Variants in TDRD7 observed in about 807,000 individuals in gnomAD.
TDRD7 encodes tudor domain-containing protein 7.
In TDRD7, 47 loss-of-function variants were observed where a neutral mutation model predicts 109.8. The ratio of observed to expected loss-of-function variants is 0.43; its 90% CI spans 0.34 to 0.55. The LOEUF (loss-of-function observed/expected upper bound fraction) is 0.55. TDRD7 is among the 20% of genes least tolerant of loss of function. The pLI, the probability that TDRD7 is intolerant of heterozygous loss-of-function variation, is 0.03. For missense variants in TDRD7, 1,164 were observed against 1,319.2 expected (o/e 0.88, Z 1.82); for synonymous variants, 424 against 457.3 (o/e 0.93, Z 0.93).
chr9:97,494,777 C>T (rs1372021329), intron 16 of TDRD7, among the ~76,000 whole-genome samples: 1 of 149,522 alleles, frequency 6.7e-6, no homozygotes, highest in African/African-American at 2.5e-5. Flanking sequence ...GTGATGCAGT[C>T]ACGGCTCACT....
intron 1 of TDRD7, among the ~76,000 whole-genome samples, chr9:97,424,230 T>C (rs1827948786): frequency 6.6e-6 from 1 of 151,786 alleles, no homozygotes; most frequent in Non-Finnish European, 1.5e-5. Flanking sequence ...AGTTTTTGTA[T>C]TTTTTAGTAG....
In TDRD7 at chr9:97,439,775, A is replaced by G. The variant is rs144487932; in HGVS notation, c.637+457A>G. 1.8e-4 allele frequency among the ~76,000 whole-genome samples: 28 copies of G among 152,344 alleles called. 1 individual carries two copies. The East Asian group carries it at 4.8e-3, about 26-fold the overall frequency. The stretch of plus-strand genomic sequence containing the variant: ...AAACTGTGTACAGTTACCACTAATC[A>G]TCTAAATATGAATATAAATAATTCT... On this transcript the variant is annotated intron_variant, in intron 5 of 16. Coordinates refer to ENST00000355295, the MANE Select transcript of TDRD7 (RefSeq NM_014290.3).
chr9:97,483,128 A>G lies in TDRD7; in HGVS notation c.2692A>G (p.Thr898Ala). 2 of 1,614,168 alleles carry G rather than the reference A, an allele frequency of 1.2e-6. No individual in the cohort carries two copies. The highest frequency in any genetic ancestry group is 8.5e-7 in the Non-Finnish European group (1 of 1,180,018). ...SMVDHTSAFS[T>A]EELPPPVHLS... Reference sequence around the variant, plus strand: ...GGTGGACCATACGAGCGCTTTCTCCACAGAGGAACTGCCACCTCCTGTCCA... The same window carrying G: ...GGTGGACCATACGAGCGCTTTCTCCGCAGAGGAACTGCCACCTCCTGTCCA... Residue 898 changes from threonine to alanine, a missense_variant, in exon 15 of 17, where the codon ACA (threonine) becomes GCA (alanine). This residue lies in a region of TDRD7 where 233 missense variants were observed against 218.0 expected (regional missense o/e 1.07). Coordinates refer to ENST00000355295, the MANE Select transcript of TDRD7 (RefSeq NM_014290.3).
intron 5 of TDRD7, among the ~76,000 whole-genome samples, chr9:97,440,167 G>A (rs1250529022): frequency 6.6e-6 from 1 of 152,164 alleles, no homozygotes; most frequent in African/African-American, 2.4e-5. Flanking sequence ...ACATGGCAAA[G>A]TTGAATATCC....
chr9:97,491,016 A>G (rs948079376), intron 16 of TDRD7, among the ~76,000 whole-genome samples: 2 of 150,596 alleles, frequency 1.3e-5, no homozygotes, highest in South Asian at 4.2e-4. Flanking sequence ...CCCAGGTTCA[A>G]GCAATTCTTC....
intron 1 of TDRD7, among the ~76,000 whole-genome samples, chr9:97,418,843 G>T (rs926098528): frequency 2.2e-4 from 33 of 152,322 alleles, no homozygotes; most frequent in African/African-American, 7.0e-4. Flanking sequence ...ATTAATGGTT[G>T]CTGTCCACTC....
intron 6 of TDRD7, among the ~76,000 whole-genome samples, chr9:97,452,427 CA>C (rs1828513832): frequency 6.6e-6 from 1 of 152,130 alleles, no homozygotes; most frequent in Non-Finnish European, 1.5e-5. Flanking sequence ...GAAGCCAAAT[CA>C]TTGGAGAACA....
chr9:97,491,471 G>A (rs1829307733), intron 16 of TDRD7, among the ~76,000 whole-genome samples: 1 of 152,180 alleles, frequency 6.6e-6, no homozygotes, highest in South Asian at 2.1e-4. Context: ...TTGTTGAAAG[G>A]TGGACATGAT....
At chr9:97,486,204 C>T (rs905561202) in intron 15 of TDRD7, among the ~76,000 whole-genome samples, 1 of 152,168 alleles carries the variant, frequency 6.6e-6, no homozygotes, top group Non-Finnish European at 1.5e-5. Flanking sequence ...CAATTTCCAC[C>T]ATTTAGCAGC....
chr9:97,488,366 A>G lies in TDRD7; in HGVS notation c.3076+1034A>G, dbSNP rs376914320. ...AATTGTGTATATAGGTTCTTCTTTT[A>G]CTTATTGATCAGCTTTTATTGGAAG... On this transcript the variant is annotated intron_variant, in intron 16 of 16. Coordinates refer to ENST00000355295, the MANE Select transcript of TDRD7 (RefSeq NM_014290.3). Among the ~76,000 whole-genome samples the G allele has an allele frequency of 7.9e-5, 12 of 152,310 alleles. 1 individual carries two copies. In the East Asian group the frequency reaches 1.2e-3, roughly 15 times the overall value.
At chr9:97,449,200 A>G (rs1828449013) in intron 6 of TDRD7, among the ~76,000 whole-genome samples, 2 of 152,190 alleles carry the variant, frequency 1.3e-5, no homozygotes, top group Admixed American at 1.3e-4. Flanking sequence ...CACCACAACA[A>G]TCAACACAGA....
rs1207329706 is a variant in TDRD7, at chr9:97,460,300, A to C, written c.978A>C (p.Gln326His). 3.7e-6 allele frequency: 6 copies of C among 1,614,134 alleles called. No homozygotes were observed. Among genetic ancestry groups the C allele is most frequent in the Non-Finnish European group, 5.1e-6 (6 of 1,180,044 alleles). The change falls in exon 7 of 17, where the codon CAA becomes CAC. Residue 326 changes from glutamine to histidine, a missense_variant. This residue lies in a region of TDRD7 where 407 missense variants were observed against 394.0 expected (regional missense o/e 1.03). Transcript: ENST00000355295. ...VPLSPLPGPK[Q>H]TPPLKGCPTV... ...TATCCCCACTACCTGGTCCCAAACA[A>C]ACACCACCGTTGAAAGGGTGTCCAA...
chr9:97,492,449 T>C lies in TDRD7; in HGVS notation c.3077-3214T>C, dbSNP rs1319537831. Among the ~76,000 whole-genome samples, 14 of 152,222 alleles carry C rather than the reference T, an allele frequency of 9.2e-5. 1 individual carries two copies. The highest frequency in any genetic ancestry group is 9.2e-4 in the Admixed American group (14 of 15,286). On this transcript the variant is annotated intron_variant, in intron 16 of 16. Coordinates refer to ENST00000355295, the MANE Select transcript of TDRD7 (RefSeq NM_014290.3). ...TCTTCACTGTATACTTCCTTCTCCA[T>C]GAAAAGTGTGGTTTTTGAAGTCAAA...
chr9:97,488,456 G>A (rs991240264), intron 16 of TDRD7, among the ~76,000 whole-genome samples: 3 of 152,080 alleles, frequency 2.0e-5, no homozygotes, highest in Admixed American at 1.3e-4. Context: ...GAATTCAAAG[G>A]CAAATCCTAT....
rs186020450 is a variant in TDRD7 at position 97,465,309 on chromosome 9, A to G, written c.1629+281A>G. Among the ~76,000 whole-genome samples the G allele has an allele frequency of 9.9e-5, 15 of 152,252 alleles. No homozygotes were observed. In the East Asian group the frequency reaches 2.5e-3, roughly 25 times the overall value. ...TCAGGGAAAGACACTTCCTATTCCT[A>G]GGGGATGTATAATGAATACTGACCA... On this transcript the variant is annotated intron_variant, in intron 8 of 16. Transcript: ENST00000355295.
At chr9:97,421,698 TTGTGTGTGTGTGTG>T (rs59218055) in intron 1 of TDRD7, among the ~76,000 whole-genome samples, 2,792 of 142,942 alleles carry the variant, frequency 0.02, 33 homozygotes, top group South Asian at 0.044. Context: ...TGCCCAGCTT[TTGTGTGTGTGTGTG>T]TGTGTGTGTG....
intron 4 of TDRD7, among the ~76,000 whole-genome samples, 170 bp downstream of exon 4, chr9:97,432,408 T>G (rs1828120571): frequency 6.6e-6 from 1 of 152,242 alleles, no homozygotes; most frequent in African/African-American, 2.4e-5. Flanking sequence ...CATCATTCTC[T>G]AAGTGCATCT....
At chr9:97,420,364 T>TGGGGGGGGGGG (rs34308257) in intron 1 of TDRD7, among the ~76,000 whole-genome samples, 1 of 66,886 alleles carries the variant, frequency 1.5e-5, no homozygotes. Context: ...AACTTTTTTT[T>TGGGGGGGGGGG]GGGGGGGGCG....
chr9:97,494,044 A>G (rs1250530355), intron 16 of TDRD7, among the ~76,000 whole-genome samples: 1 of 152,212 alleles, frequency 6.6e-6, no homozygotes, highest in Non-Finnish European at 1.5e-5. Flanking sequence ...CATCCTCCTC[A>G]TCTTACAAAG....
Sources: allele counts gnomAD v4.1 joint callset (sites outside exome capture counted in the v4.1 genomes callset), GRCh38; gene constraint gnomAD v4.1.1; regional missense constraint gnomAD v4.1.1; transcripts MANE v1.5; gene names NCBI Gene and HGNC (gene_info 2026-07-23, HGNC 2026-07-21).